SPATA13: variants seen among roughly 807,000 people sequenced by gnomAD.
SPATA13 encodes spermatogenesis-associated protein 13.
A neutral mutation model predicts 104.0 loss-of-function variants in SPATA13; 50 were observed. The observed-to-expected ratio is 0.48, with a 90% CI of 0.38 to 0.61. SPATA13 has a LOEUF of 0.61. Ranked by LOEUF, SPATA13 falls within the 20% of genes least tolerant of loss-of-function variation. The probability of loss-of-function intolerance (pLI) is 0.00; values close to 1 mark genes in which losing one functional copy is unlikely to be tolerated. For missense variants in SPATA13, 1,524 were observed against 1,690.6 expected, an observed-to-expected ratio of 0.90 and a Z score of 1.73; for synonymous variants, 606 against 667.5, an observed-to-expected ratio of 0.91 and a Z score of 1.42.
chr13:24,227,371 C>A (rs928234995), intron 2 of SPATA13, among the ~76,000 whole-genome samples: 1 of 152,044 alleles, frequency 6.6e-6, no homozygotes, highest in African/African-American at 2.4e-5. Context: ...GTGATTTTGA[C>A]CATTTTATGG....
At chr13:24,245,142 C>T (rs1473985073) in intron 2 of SPATA13, among the ~76,000 whole-genome samples, 2 of 152,132 alleles carry the variant, frequency 1.3e-5, no homozygotes, top group African/African-American at 2.4e-5. Context: ...CAGCCCACGC[C>T]GGAGTCTGAG....
At position 24,205,467 on chromosome 13, in the gene SPATA13, A is replaced by G. The variant is rs1313030132; in HGVS notation, c.-111-17352A>G. Reference sequence around the variant, plus strand: ...TGCAAATGGAAAAACACTCCATGCTATGGATAGGAGGAATCAATATCATAA... The same window carrying G: ...TGCAAATGGAAAAACACTCCATGCTGTGGATAGGAGGAATCAATATCATAA... On this transcript the variant is annotated intron_variant, in intron 1 of 12. Transcript: ENST00000382108. The surrounding 1 kb of genome is among the most constrained non-coding windows in gnomAD (Gnocchi z 4.1). Among the ~76,000 whole-genome samples, 1 of 152,210 alleles carries G rather than the reference A, an allele frequency of 6.6e-6. No homozygotes were observed. Among genetic ancestry groups the G allele is most frequent in the African/African-American group, 2.4e-5 (1 of 41,452 alleles).
At chr13:24,108,409 A>G (rs1338535002) in intron 3 of SPATA13, among the ~76,000 whole-genome samples, 1 of 152,016 alleles carries the variant, frequency 6.6e-6, no homozygotes, top group African/African-American at 2.4e-5. Context: ...GCCTGTTTAT[A>G]TTTTACAATA....
chr13:24,106,584 A>C (rs1037566368), intron 3 of SPATA13, among the ~76,000 whole-genome samples: 2 of 152,194 alleles, frequency 1.3e-5, no homozygotes, highest in African/African-American at 4.8e-5. Context: ...TGTACAGAAC[A>C]GCACTCGCTT....
At chr13:24,039,035 C>T (rs1053932945) in intron 3 of SPATA13, among the ~76,000 whole-genome samples, 11 of 152,156 alleles carry the variant, frequency 7.2e-5, no homozygotes, top group South Asian at 2.1e-4. Flanking sequence ...CTATCAGAGA[C>T]GATTAAAAAA....
intron 1 of SPATA13, among the ~76,000 whole-genome samples, chr13:24,188,763 G>T (rs1869324410): frequency 6.6e-6 from 1 of 151,130 alleles, no homozygotes; most frequent in Admixed American, 6.6e-5. Flanking sequence ...GCCATTCTAG[G>T]ATTTTTCTAG....
intron 3 of SPATA13, among the ~76,000 whole-genome samples, chr13:24,148,453 T>A (rs1013946520): frequency 1.3e-5 from 2 of 152,176 alleles, no homozygotes; most frequent in Non-Finnish European, 2.9e-5. Flanking sequence ...AACCCTGTGC[T>A]GTATTACCTA....
chr13:24,284,654 A>G (rs1444974688), intron 5 of SPATA13, among the ~76,000 whole-genome samples: 1 of 151,960 alleles, frequency 6.6e-6, no homozygotes, highest in Admixed American at 6.5e-5. Flanking sequence ...ACAGAGCGAG[A>G]CTCCATCTCA....
chr13:24,283,122 A>T (rs991472148), intron 4 of SPATA13, among the ~76,000 whole-genome samples: 3 of 152,182 alleles, frequency 2.0e-5, no homozygotes, highest in African/African-American at 4.8e-5. Flanking sequence ...CAATCGGGCC[A>T]TCGCACTGTT....
intron 4 of SPATA13, chr13:24,278,782 T>C (rs1875208630): frequency 6.2e-7 from 1 of 1,600,486 alleles, no homozygotes; most frequent in African/African-American, 1.4e-5. Context: ...AAAAGAAAAA[T>C]ATAGAAAAGA....
chr13:24,168,997 A>G (rs1196460567), intron 1 of SPATA13, among the ~76,000 whole-genome samples: 1 of 152,068 alleles, frequency 6.6e-6, no homozygotes, highest in Non-Finnish European at 1.5e-5. Context: ...TAGATTTTCT[A>G]TCAGATTCAA....
intron 1 of SPATA13, among the ~76,000 whole-genome samples, chr13:23,980,904 T>A (rs1027516503): frequency 2.6e-5 from 4 of 152,174 alleles, no homozygotes; most frequent in Admixed American, 6.5e-5. Flanking sequence ...CAAAGTTTTT[T>A]AAAAAATACG....
Position 24,035,343 on chromosome 13 carries a change from C to T in SPATA13, c.-112+17642C>T, listed in dbSNP as rs567161611. Among the ~76,000 whole-genome samples, 3 of 152,232 alleles carry T rather than the reference C, an allele frequency of 2.0e-5. No homozygotes were observed. In the South Asian group the frequency reaches 6.2e-4, roughly 32 times the overall value. On this transcript the variant is annotated intron_variant, in intron 3 of 14. Coordinates refer to the SPATA13 transcript ENST00000424834. ...CTAATTTTTATATTTTTAATAGAGA[C>T]AGGTTTTGCCATGTGGGCCAGGCTG... is the stretch of plus-strand genomic sequence containing the variant.
At chr13:24,057,444 A>G (rs1158349928) in intron 3 of SPATA13, among the ~76,000 whole-genome samples, 3 of 152,128 alleles carry the variant, frequency 2.0e-5, no homozygotes, top group Non-Finnish European at 2.9e-5. Context: ...GGAGCCCCTC[A>G]GGGAAGCCAG....
At chr13:24,084,345 C>T (rs1460471196) in intron 3 of SPATA13, among the ~76,000 whole-genome samples, 2 of 152,156 alleles carry the variant, frequency 1.3e-5, no homozygotes, top group South Asian at 2.1e-4. Context: ...GCTGAGCCCG[C>T]GCATGATGGA....
intron 1 of SPATA13, among the ~76,000 whole-genome samples, chr13:24,214,727 T>C (rs1489902874): frequency 1.3e-5 from 2 of 152,196 alleles, no homozygotes; most frequent in Non-Finnish European, 2.9e-5. Context: ...TCTGTTTCCC[T>C]CCTTAGTTGC....
At chr13:24,195,920 T>C (rs908509246) in intron 1 of SPATA13, among the ~76,000 whole-genome samples, 9 of 152,234 alleles carry the variant, frequency 5.9e-5, no homozygotes, top group African/African-American at 1.4e-4. Context: ...ACTGGGGATG[T>C]ATTCTTAGGT....
chr13:24,207,014 T>C (rs9511145), intron 1 of SPATA13, among the ~76,000 whole-genome samples: 137,045 of 152,250 alleles, frequency 0.9, 63,409 homozygotes, highest in East Asian at 1. Context: ...GTGGTATGTA[T>C]ACACCATGGA....
At chr13:24,126,810 G>A (rs1881233818) in intron 3 of SPATA13, among the ~76,000 whole-genome samples, 1 of 152,108 alleles carries the variant, frequency 6.6e-6, no homozygotes, top group Non-Finnish European at 1.5e-5. Flanking sequence ...ACCTGCCTTG[G>A]CCTGTCAGCT....
Sources: allele counts gnomAD v4.1 joint callset (sites outside exome capture counted in the v4.1 genomes callset), GRCh38; gene constraint gnomAD v4.1.1; non-coding constraint Gnocchi (gnomAD v3.1); transcripts MANE v1.5; gene names NCBI Gene and HGNC (gene_info 2026-07-23, HGNC 2026-07-21).